EXOC6B: variants seen among roughly 807,000 people sequenced by gnomAD.
EXOC6B encodes the protein SEC15 homolog B.
EXOC6B carries 54 observed loss-of-function variants against 113.5 expected under a neutral mutation model. That is an observed-to-expected ratio of 0.48 (90% CI 0.38 to 0.60). The LOEUF is 0.60. Ranked by LOEUF, EXOC6B falls within the 20% of genes least tolerant of loss-of-function variation. The pLI is 0.00. For synonymous variants in EXOC6B, 357 were observed against 339.0 expected, an observed-to-expected ratio of 1.05 and a Z score of -0.58; for missense variants, 797 against 977.5, an observed-to-expected ratio of 0.82 and a Z score of 2.46.
intron 6 of EXOC6B, among the ~76,000 whole-genome samples, chr2:72,699,080 T>C (rs1678105390): frequency 6.6e-6 from 1 of 152,238 alleles, no homozygotes; most frequent in Admixed American, 6.5e-5. Flanking sequence ...TGAGTTTCAC[T>C]ACATTCTCAA....
chr2:72,261,494 C>T (rs1248940220), intron 20 of EXOC6B, among the ~76,000 whole-genome samples: 2 of 152,172 alleles, frequency 1.3e-5, no homozygotes, highest in Admixed American at 1.3e-4. Context: ...TTGGGAATCA[C>T]TTAGTATAAT....
At chr2:72,456,652 G>A (rs943872862) in intron 18 of EXOC6B, among the ~76,000 whole-genome samples, 7 of 151,992 alleles carry the variant, frequency 4.6e-5, no homozygotes, top group African/African-American at 1.7e-4. Context: ...TTGAGTTTAT[G>A]GTCTCATCAT....
At chr2:72,606,244 C>G (rs1227082465) in intron 6 of EXOC6B, among the ~76,000 whole-genome samples, 13 of 152,070 alleles carry the variant, frequency 8.5e-5, no homozygotes, top group Admixed American at 8.5e-4. Context: ...CCCAAATCGT[C>G]ATTTACCCAG....
intron 20 of EXOC6B, among the ~76,000 whole-genome samples, chr2:72,241,801 T>C (rs1255860541): frequency 1.3e-5 from 2 of 152,122 alleles, no homozygotes; most frequent in African/African-American, 4.8e-5. Flanking sequence ...AAAGACTTCC[T>C]CAAACAAACA....
chr2:72,287,673 TATG>T (rs1685529418), intron 20 of EXOC6B, among the ~76,000 whole-genome samples: 1 of 152,022 alleles, frequency 6.6e-6, no homozygotes, highest in Non-Finnish European at 1.5e-5. Context: ...TGAATGACTT[TATG>T]CCAACAGATT....
At chr2:72,262,363 T>C (rs1311277579) in intron 20 of EXOC6B, among the ~76,000 whole-genome samples, 1 of 152,002 alleles carries the variant, frequency 6.6e-6, no homozygotes, top group Non-Finnish European at 1.5e-5. Flanking sequence ...CCCAATACTA[T>C]AGCCCAGACA....
chr2:72,499,048 G>A (rs1289643873), intron 12 of EXOC6B, among the ~76,000 whole-genome samples: 1 of 151,982 alleles, frequency 6.6e-6, no homozygotes, highest in Non-Finnish European at 1.5e-5. Flanking sequence ...AACTAATGTA[G>A]TCAGTAGTTC....
At position 72,240,112 on chromosome 2, in the gene EXOC6B, T is replaced by C. The variant is rs144899030; in HGVS notation, c.2197-55925A>G. Reference sequence around the variant, plus strand: ...AGTATTTTCTAAGTATAACATCATGTCATCTACAAATAAAGATAGTGTTAC... The same window carrying C: ...AGTATTTTCTAAGTATAACATCATGCCATCTACAAATAAAGATAGTGTTAC... On this transcript the variant is annotated intron_variant, in intron 20 of 21. Transcript: ENST00000272427. 2.9e-3 allele frequency among the ~76,000 whole-genome samples: 442 copies of C among 152,308 alleles called. 2 individuals are homozygous for C. The highest frequency in any genetic ancestry group is 0.01 in the African/African-American group (418 of 41,572).
chr2:72,596,135 T>G (rs1462789515), intron 6 of EXOC6B, among the ~76,000 whole-genome samples: 3 of 152,164 alleles, frequency 2.0e-5, no homozygotes, highest in Admixed American at 2.0e-4. Flanking sequence ...GGAACAGACT[T>G]CTGGTTTCAG....
rs202209666 is a variant in EXOC6B at position 72,718,171 on chromosome 2, C to A, written c.601G>T (p.Asp201Tyr). The A allele has an allele frequency of 6.2e-7, 1 of 1,613,728 alleles. No individual in the cohort carries two copies. The highest frequency in any genetic ancestry group is 1.3e-5 in the African/African-American group (1 of 75,032). ...REEIKDVSMS[D>Y]LKDFLESIRK... ...ATGCTCTCCAGAAAGTCTTTGAGAT[C>A]GGACATAGAAACATCTTTTATTTCT... is the stretch of plus-strand genomic sequence containing the variant. The change falls in exon 6 of 22, where the codon GAT becomes TAT. Residue 201 changes from aspartate (D) to tyrosine (Y), a missense_variant. Physicochemically the swap from Asp to Tyr is radical, Grantham distance 160. Coordinates refer to ENST00000272427, the MANE Select transcript of EXOC6B (RefSeq NM_015189.3).
intron 18 of EXOC6B, among the ~76,000 whole-genome samples, chr2:72,458,735 C>T (rs1038783444): frequency 2.0e-5 from 3 of 152,066 alleles, no homozygotes; most frequent in African/African-American, 4.8e-5. Context: ...AAGTTCACAA[C>T]TCTACAGGTA....
At chr2:72,457,570 C>G (rs1009582814) in intron 18 of EXOC6B, among the ~76,000 whole-genome samples, 1 of 152,020 alleles carries the variant, frequency 6.6e-6, no homozygotes, top group Non-Finnish European at 1.5e-5. Context: ...CTTGAGACAG[C>G]ATTTCCTCTC....
chr2:72,401,604 TG>T (rs1693278717), intron 18 of EXOC6B, among the ~76,000 whole-genome samples: 1 of 29,390 alleles, frequency 3.4e-5, no homozygotes, highest in Non-Finnish European at 5.3e-5. Context: ...TATATATATG[TG>T]TATATATATA....
intron 16 of EXOC6B, among the ~76,000 whole-genome samples, chr2:72,491,426 T>A (rs2105539751): frequency 6.6e-6 from 1 of 152,276 alleles, no homozygotes; most frequent in South Asian, 2.1e-4. Context: ...TCCTTGACAG[T>A]GTACATTTTA....
At chr2:72,223,404 C>T (rs1163920783) in intron 20 of EXOC6B, among the ~76,000 whole-genome samples, 1 of 152,102 alleles carries the variant, frequency 6.6e-6, no homozygotes, top group African/African-American at 2.4e-5. Context: ...TTCAGGCTCT[C>T]CCTAGACAGT....
At chr2:72,727,280 G>A (rs570285225) in intron 5 of EXOC6B, among the ~76,000 whole-genome samples, 5 of 152,132 alleles carry the variant, frequency 3.3e-5, no homozygotes, top group Non-Finnish European at 5.9e-5. Flanking sequence ...GTTGATAATT[G>A]TATGAAATGT....
chr2:72,309,479 A>C (rs980336944), intron 20 of EXOC6B, among the ~76,000 whole-genome samples: 22 of 152,276 alleles, frequency 1.4e-4, no homozygotes, highest in African/African-American at 5.1e-4. Context: ...ATCTAAGTTA[A>C]ATCCCATGCC....
chr2:72,398,709 A>C (rs938696580), intron 18 of EXOC6B, among the ~76,000 whole-genome samples: 5 of 143,120 alleles, frequency 3.5e-5, no homozygotes, highest in Non-Finnish European at 7.4e-5. Flanking sequence ...AAAAAAAAAA[A>C]AAAACTGTCT....
intron 6 of EXOC6B, among the ~76,000 whole-genome samples, chr2:72,586,765 A>AT (rs1406762063): frequency 6.6e-6 from 1 of 151,998 alleles, no homozygotes; most frequent in African/African-American, 2.4e-5. Flanking sequence ...AAATAAAAAA[A>AT]TAAAAAAAAA....
Sources: gnomAD v4.1 joint callset for allele counts (sites outside exome capture counted in the v4.1 genomes callset) on GRCh38, gnomAD v4.1.1 for gene constraint, MANE v1.5 for transcripts, NCBI Gene and HGNC (gene_info 2026-07-23, HGNC 2026-07-21) for gene names.